Variants in TMEM236 observed in about 807,000 individuals in gnomAD.
TMEM236 encodes transmembrane protein 236, also known as family with sequence similarity 23, member A.
In TMEM236, 11 loss-of-function variants were observed where a neutral mutation model predicts 14.7. The observed-to-expected ratio is 0.75, with a 90% CI of 0.47 to 1.24. The LOEUF is 1.24. Among genes scored for constraint, TMEM236 ranks in the 50% most tolerant of loss-of-function variants. The pLI, the probability that TMEM236 is intolerant of heterozygous loss-of-function variation, is 0.00. For synonymous variants in TMEM236, 182 were observed against 168.6 expected (o/e 1.08, Z -0.62); for missense variants, 464 against 427.3 (o/e 1.09, Z -0.76).
chr10:17,778,978 T>C (rs1837702126), intron 3 of TMEM236, among the ~76,000 whole-genome samples: 1 of 152,098 alleles, frequency 6.6e-6, no homozygotes. Context: ...TTCATGGAGG[T>C]AGAGCAGTGC....
intron 1 of TMEM236, among the ~76,000 whole-genome samples, chr10:17,755,602 G>T (rs969556598): frequency 2.6e-5 from 4 of 152,096 alleles, no homozygotes; most frequent in African/African-American, 7.2e-5. Flanking sequence ...AGAGCCCCAG[G>T]GTCACCTAAG....
intron 3 of TMEM236, 40 bp downstream of exon 3, chr10:17,776,210 A>T (rs970177699): frequency 2.5e-6 from 4 of 1,587,446 alleles, no homozygotes; most frequent in Non-Finnish European, 3.5e-6. Flanking sequence ...TTAAAGTTTG[A>T]TATATTTTTC....
chr10:17,798,549 AG>A lies in TMEM236; in HGVS notation c.*2046del. ...GTGACACCCATCTAAAAAAAATAAA[AG>A]AGAATTTGACGTTGTGTTATTCTAC... On this transcript the variant is annotated 3_prime_UTR_variant, in exon 4 of 4. Transcript: ENST00000377495. 1.9e-6 allele frequency: 1 copy of A among 534,394 alleles called. No individual in the cohort carries two copies. 33.1% of individuals were successfully genotyped at this position (534,394 alleles called of 1,614,324 possible). A position where few individuals can be genotyped will look rare whatever the true frequency, so the allele number is the denominator to read the frequency against.
chr10:17,779,436 TCTC>T (rs1837712739), intron 3 of TMEM236, among the ~76,000 whole-genome samples: 1 of 151,974 alleles, frequency 6.6e-6, no homozygotes, highest in Non-Finnish European at 1.5e-5. Context: ...AGGACTTTCA[TCTC>T]CTCTTCTTCA....
In TMEM236 at chr10:17,752,572, T is replaced by C. The variant is rs1564590605; in HGVS notation, c.257+20T>C. ...AGGATGGTAAGTAAAAGAATTTTCT[T>C]TTTTTTCTTTTTGATTTGGAGTCTC... On this transcript the variant is annotated intron_variant, in intron 1 of 3. Transcript: ENST00000377495. 1 of 1,611,138 alleles carries C rather than the reference T, an allele frequency of 6.2e-7. No individual in the cohort carries two copies. Among genetic ancestry groups the C allele is most frequent in the Non-Finnish European group, 8.5e-7 (1 of 1,177,540 alleles).
At chr10:17,768,271 G>A (rs1589143400) in intron 1 of TMEM236, among the ~76,000 whole-genome samples, 3 of 151,766 alleles carry the variant, frequency 2.0e-5, no homozygotes, top group African/African-American at 7.3e-5. Context: ...TCATAGATAG[G>A]CACATATATT....
intron 1 of TMEM236, among the ~76,000 whole-genome samples, chr10:17,769,566 G>A (rs1471848398): frequency 5.9e-5 from 9 of 152,312 alleles, no homozygotes; most frequent in Admixed American, 2.0e-4. Flanking sequence ...AGGTTGAGAA[G>A]AAGAGAACTT....
rs1838045746 is a variant in TMEM236, at chr10:17,798,110, G to A, written c.*1606G>A. Reference sequence around the variant, plus strand: ...AACAGTCAGCACTGTTCATTTGATAGTAATTTTCAGATGCTAGAGAGATTT... The same window carrying A: ...AACAGTCAGCACTGTTCATTTGATAATAATTTTCAGATGCTAGAGAGATTT... On this transcript the variant is annotated 3_prime_UTR_variant, in exon 4 of 4. Transcript: ENST00000377495. 5.3e-6 allele frequency: 1 copy of A among 188,260 alleles called. No individual in the cohort carries two copies. Among genetic ancestry groups the A allele is most frequent in the Non-Finnish European group, 1.1e-5 (1 of 89,888 alleles). The allele number at this position is 188,260 out of a possible 1,614,324, so 11.7% of individuals were successfully genotyped here. A position where few individuals can be genotyped will look rare whatever the true frequency, so the allele number is the denominator to read the frequency against.
chr10:17,775,494 C>T (rs904889268), intron 2 of TMEM236, among the ~76,000 whole-genome samples: 2 of 152,126 alleles, frequency 1.3e-5, no homozygotes, highest in African/African-American at 4.8e-5. Context: ...AGGTTGGTCT[C>T]GAGCTCCAGG....
chr10:17,784,528 T>G (rs1837803410), intron 3 of TMEM236, among the ~76,000 whole-genome samples: 1 of 152,206 alleles, frequency 6.6e-6, no homozygotes, highest in Non-Finnish European at 1.5e-5. Context: ...TTAAGAGCAG[T>G]GCTTCTCATC....
At chr10:17,763,430 T>TA (rs111590608) in intron 1 of TMEM236, among the ~76,000 whole-genome samples, 3,851 of 152,086 alleles carry the variant, frequency 0.025, 161 homozygotes, top group African/African-American at 0.087. Flanking sequence ...GTCTTTCTAT[T>TA]AAAAAAAGAA....
At chr10:17,768,380 A>G (rs1179188726) in intron 1 of TMEM236, among the ~76,000 whole-genome samples, 2 of 152,194 alleles carry the variant, frequency 1.3e-5, no homozygotes, top group Non-Finnish European at 2.9e-5. Context: ...AAAAAGAACC[A>G]TAAACTGTAT....
At chr10:17,769,749 A>G (rs2131747821) in intron 1 of TMEM236, among the ~76,000 whole-genome samples, 1 of 152,262 alleles carries the variant, frequency 6.6e-6, no homozygotes, top group African/African-American at 2.4e-5. Flanking sequence ...ATTTATATTT[A>G]CACCTAGGAC....
intron 3 of TMEM236, among the ~76,000 whole-genome samples, chr10:17,790,695 G>A (rs1013515623): frequency 2.3e-4 from 35 of 152,076 alleles, no homozygotes; most frequent in Admixed American, 2.2e-3. Flanking sequence ...CATTTTAAAA[G>A]GACTGGTAAT....
At chr10:17,792,264 T>C (rs1837937882) in intron 3 of TMEM236, among the ~76,000 whole-genome samples, 1 of 152,198 alleles carries the variant, frequency 6.6e-6, no homozygotes, top group African/African-American at 2.4e-5. Context: ...ATGTTGTGTA[T>C]TTTTAGTAGG....
intron 1 of TMEM236, among the ~76,000 whole-genome samples, chr10:17,766,292 C>T (rs1837462374): frequency 6.6e-6 from 1 of 152,156 alleles, no homozygotes; most frequent in Non-Finnish European, 1.5e-5. Context: ...ACTTTCTATC[C>T]AACAGAGCAC....
chr10:17,768,095 T>TGTTTG (rs1350364939), intron 1 of TMEM236, among the ~76,000 whole-genome samples: 67 of 132,110 alleles, frequency 5.1e-4, no homozygotes, highest in Middle Eastern at 3.8e-3. Context: ...GGTTTTTTTT[T>TGTTTG]TTTTTTTTTT....
At chr10:17,760,262 T>C (rs1323887353) in intron 1 of TMEM236, among the ~76,000 whole-genome samples, 1 of 152,186 alleles carries the variant, frequency 6.6e-6, no homozygotes, top group Non-Finnish European at 1.5e-5. Flanking sequence ...ATGTTTAACA[T>C]TTTCTCATAG....
Position 17,771,276 on chromosome 10 carries a change from G to A in TMEM236, c.258-33G>A. On this transcript the variant is annotated intron_variant, in intron 1 of 3. Coordinates refer to ENST00000377495, the MANE Select transcript of TMEM236 (RefSeq NM_001098844.3). ...AAGAGGAACTGTCGATCTTGTCCATGATTGCTTTGGCTTATTTTTTCTCCT... is the reference window on the plus strand; with the variant it reads ...AAGAGGAACTGTCGATCTTGTCCATAATTGCTTTGGCTTATTTTTTCTCCT... 1.9e-6 allele frequency: 3 copies of A among 1,600,278 alleles called. No individual in the cohort carries two copies. In the South Asian group the frequency reaches 3.3e-5, roughly 18 times the overall value.
Sources: gnomAD v4.1 joint callset for allele counts (sites outside exome capture counted in the v4.1 genomes callset) on GRCh38, gnomAD v4.1.1 for gene constraint, MANE v1.5 for transcripts, NCBI Gene and HGNC (gene_info 2026-07-23, HGNC 2026-07-21) for gene names.